The following LOC400499 variants were observed in gnomAD, a reference collection of about 807,000 sequenced individuals.
chr16:11,497,829 ATAAATT>A, the LOC400499 span, among the ~76,000 whole-genome samples: 151 of 109,006 alleles, frequency 1.4e-3, no homozygotes, highest in African/African-American at 3.3e-3. Flanking sequence ...TGAAAGGGAA[ATAAATT>A]TAAAAAAAAA....
At chr16:11,448,908 T>C in the LOC400499 span, 10 of 1,458,870 alleles carry the variant, frequency 6.9e-6, no homozygotes, top group African/African-American at 1.4e-5. Flanking sequence ...ACGGGCCTCC[T>C]GGGTTCTTAC....
the LOC400499 span, among the ~76,000 whole-genome samples, chr16:11,449,400 G>C: frequency 1.3e-5 from 2 of 152,172 alleles, no homozygotes; most frequent in African/African-American, 4.8e-5. Context: ...GCTATTACTA[G>C]TAGCCAGGGT....
chr16:11,515,265 G>T, the LOC400499 span, among the ~76,000 whole-genome samples: 1 of 151,702 alleles, frequency 6.6e-6, no homozygotes. Flanking sequence ...GGACAACACA[G>T]CAAGACACCA....
chr16:11,420,178 A>C, the LOC400499 span, among the ~76,000 whole-genome samples: 1 of 151,150 alleles, frequency 6.6e-6, no homozygotes, highest in African/African-American at 2.5e-5. Context: ...ACAATAGCAA[A>C]GACTTGGAAC....
the LOC400499 span, chr16:11,431,257 T>A: frequency 2.5e-6 from 1 of 399,098 alleles, no homozygotes; most frequent in Non-Finnish European, 4.4e-6. Context: ...GGGGTTAAGA[T>A]CATGGGCTTT....
At chr16:11,372,820 C>T in the LOC400499 span, 3 of 528,914 alleles carry the variant, frequency 5.7e-6, no homozygotes, top group Non-Finnish European at 7.3e-6. Flanking sequence ...ATAAATTATG[C>T]TAGGGCCCCT....
the LOC400499 span, among the ~76,000 whole-genome samples, chr16:11,446,161 G>A: frequency 6.8e-6 from 1 of 146,700 alleles, no homozygotes; most frequent in East Asian, 2.1e-4. Flanking sequence ...GGGGGGCGGG[G>A]GAGTGGTGTC....
the LOC400499 span, chr16:11,381,107 A>G: frequency 6.6e-6 from 1 of 152,036 alleles, no homozygotes; most frequent in Non-Finnish European, 1.5e-5. Flanking sequence ...TGGATGTTCA[A>G]CCGATGCTTT....
chr16:11,424,927 C>T, the LOC400499 span, among the ~76,000 whole-genome samples: 6 of 152,182 alleles, frequency 3.9e-5, no homozygotes, highest in Non-Finnish European at 8.8e-5. Context: ...ACGGTAACAA[C>T]TGGTGCCCTG....
At chr16:11,458,331 C>A in the LOC400499 span, among the ~76,000 whole-genome samples, 2 of 151,630 alleles carry the variant, frequency 1.3e-5, no homozygotes, top group African/African-American at 4.8e-5. Context: ...GGGCAACAGG[C>A]TGAGACTCCA....
chr16:11,453,674 G>C, the LOC400499 span, among the ~76,000 whole-genome samples: 1 of 151,918 alleles, frequency 6.6e-6, no homozygotes, highest in East Asian at 1.9e-4. Flanking sequence ...TAGAACAAAA[G>C]AGAAACAAGG....
At chr16:11,518,831 A>C in the LOC400499 span, 1 of 399,088 alleles carries the variant, frequency 2.5e-6, no homozygotes, top group Non-Finnish European at 4.4e-6. Flanking sequence ...AGCTGTTGAA[A>C]GACGGCAGAG....
the LOC400499 span, among the ~76,000 whole-genome samples, chr16:11,404,229 C>A: frequency 1.3e-5 from 2 of 152,272 alleles, no homozygotes; most frequent in Admixed American, 6.5e-5. Context: ...TCATGCTTGA[C>A]GTTATTTTGC....
At chr16:11,396,583 GTGGTCTGGGTC>G in the LOC400499 span, 1 of 1,232,220 alleles carries the variant, frequency 8.1e-7, no homozygotes, top group Non-Finnish European at 1.0e-6. Context: ...GATGCAGGCC[GTGGTCTGGGTC>G]TGGTGCAAGG....
chr16:11,466,896 C>G, the LOC400499 span, among the ~76,000 whole-genome samples: 1 of 151,720 alleles, frequency 6.6e-6, no homozygotes, highest in Non-Finnish European at 1.5e-5. Context: ...AAAAGATTGC[C>G]AAGGTGTACG....
At chr16:11,424,125 C>T in the LOC400499 span, 1 of 399,332 alleles carries the variant, frequency 2.5e-6, no homozygotes, top group Non-Finnish European at 4.4e-6. Context: ...GTGCCCGTGG[C>T]CATCTAAGGA....
chr16:11,475,745 G>A, the LOC400499 span: 19 of 398,522 alleles, frequency 4.8e-5, no homozygotes, highest in African/African-American at 8.2e-5. Flanking sequence ...AGTGTCAGAC[G>A]CATCATTTTC....
chr16:11,501,238 G>A, the LOC400499 span, among the ~76,000 whole-genome samples: 1 of 152,198 alleles, frequency 6.6e-6, no homozygotes, highest in South Asian at 2.1e-4. Context: ...GTGCTCTGCT[G>A]AAACCCACCC....
At chr16:11,425,200 C>T in the LOC400499 span, 8 of 398,920 alleles carry the variant, frequency 2.0e-5, no homozygotes, top group Middle Eastern at 6.2e-4. Context: ...CAGGAGCAGG[C>T]GCCACCCAGA....
Sources: gnomAD v4.1 joint callset for allele counts (sites outside exome capture counted in the v4.1 genomes callset) on GRCh38, gnomAD v4.1.1 for gene constraint, MANE v1.5 for transcripts.